Variants in NCR1 observed in about 807,000 individuals in gnomAD.
The protein encoded by NCR1 is natural cytotoxicity triggering receptor 1, also known as NK cell-activating receptor.
NCR1 carries 30 observed loss-of-function variants against 32.5 expected under a neutral mutation model. The observed-to-expected ratio is 0.92, with a 90% CI of 0.69 to 1.25. NCR1 has a LOEUF of 1.25. Among genes scored for constraint, NCR1 ranks in the 50% most tolerant of loss-of-function variants. The pLI is 0.00. For missense variants in NCR1, 369 were observed against 380.7 expected, an observed-to-expected ratio of 0.97 and a Z score of 0.26; for synonymous variants, 169 against 143.4, an observed-to-expected ratio of 1.18 and a Z score of -1.28.
upstream of NCR1, among the ~76,000 whole-genome samples, chr19:54,904,216 CTTTTA>C (rs1174854516): frequency 6.6e-6 from 1 of 150,796 alleles, no homozygotes; most frequent in Non-Finnish European, 1.5e-5. Context: ...TTTCTTTTCA[CTTTTA>C]TTTTATTGAA....
chr19:54,906,719 C>A lies in NCR1; in HGVS notation c.267C>A (p.Asn89Lys), dbSNP rs1157169103. 1.2e-6 allele frequency: 2 copies of A among 1,614,236 alleles called. No homozygotes were observed. Among genetic ancestry groups the A allele is most frequent in the Non-Finnish European group, 1.7e-6 (2 of 1,180,046 alleles). The stretch of plus-strand genomic sequence containing the variant: ...TCCAATTCTACATCCCGGACATGAA[C>A]TCCCGCATGGCAGGGCAATACAGCT... The part of the protein sequence containing the change: ...NKVQFYIPDM[N>K]SRMAGQYSCI... The change falls in exon 3 of 7, where the codon AAC becomes AAA. Residue 89 changes from asparagine to lysine, a missense_variant. Coordinates refer to ENST00000291890, the MANE Select transcript of NCR1 (RefSeq NM_004829.7).
the NCR1 span, chr19:54,938,192 G>C: frequency 6.2e-7 from 1 of 1,614,118 alleles, no homozygotes; most frequent in Non-Finnish European, 8.5e-7. Context: ...CAGAGGCGAA[G>C]AGAGCGAAGA....
the NCR1 span, chr19:54,927,469 T>C: frequency 6.4e-6 from 5 of 777,974 alleles, no homozygotes; most frequent in Non-Finnish European, 1.1e-5. Flanking sequence ...GGCAGGAGAA[T>C]TGCTTGAACC....
the NCR1 span, among the ~76,000 whole-genome samples, chr19:54,922,803 CG>C: frequency 8.8e-6 from 1 of 114,156 alleles, no homozygotes; most frequent in Non-Finnish European, 1.8e-5. Context: ...AAAAAAAAAA[CG>C]AAAGAACAGA....
chr19:54,923,198 T>C, the NCR1 span, among the ~76,000 whole-genome samples: 3 of 152,222 alleles, frequency 2.0e-5, no homozygotes, highest in Non-Finnish European at 4.4e-5. Context: ...GCTGCTTCCA[T>C]GTCCAAAGGC....
At chr19:54,916,874 A>G (rs963148472), downstream of NCR1, among the ~76,000 whole-genome samples, 4 of 151,172 alleles carry the variant, frequency 2.6e-5, no homozygotes, top group Non-Finnish European at 4.4e-5. Context: ...CAGAAGACCC[A>G]CGCTCCCTAA....
the NCR1 span, among the ~76,000 whole-genome samples, chr19:54,929,384 C>A: frequency 5.3e-5 from 7 of 132,824 alleles, no homozygotes; most frequent in African/African-American, 1.9e-4. Flanking sequence ...AAAAAGTACC[C>A]TGTGTTCTAG....
the NCR1 span, among the ~76,000 whole-genome samples, chr19:54,929,722 C>T: frequency 6.6e-6 from 1 of 152,138 alleles, no homozygotes; most frequent in Non-Finnish European, 1.5e-5. Flanking sequence ...TCTCCAGGCC[C>T]TCTACCTGAC....
At chr19:54,905,679 A>G (rs958328201), upstream of NCR1, among the ~76,000 whole-genome samples, 7 of 152,174 alleles carry the variant, frequency 4.6e-5, no homozygotes, top group African/African-American at 1.4e-4. Context: ...ACAGACAGAA[A>G]AACAGGCAGT....
At position 54,912,929 on chromosome 19, in the gene NCR1, G is replaced by A. The variant is rs2068050565; in HGVS notation, c.*58G>A. The A allele has an allele frequency of 6.4e-7, 1 of 1,551,814 alleles. No homozygotes were observed. The highest frequency in any genetic ancestry group is 1.3e-5 in the African/African-American group (1 of 74,176). On this transcript the variant is annotated 3_prime_UTR_variant, in exon 7 of 7. Coordinates refer to ENST00000291890, the MANE Select transcript of NCR1 (RefSeq NM_004829.7). ...GATCTGAAAGCTGGTGTTGAGCCTG[G>A]GCGGCGTGAGCTCTGTGTTGGACCC...
upstream of NCR1, among the ~76,000 whole-genome samples, chr19:54,903,570 G>GTA (rs1036337379): frequency 2.3e-5 from 3 of 131,908 alleles, no homozygotes; most frequent in Non-Finnish European, 3.2e-5. Flanking sequence ...ACATATATGT[G>GTA]TATATATACG....
chr19:54,932,732 T>C, the NCR1 span, among the ~76,000 whole-genome samples: 1 of 152,022 alleles, frequency 6.6e-6, no homozygotes, highest in African/African-American at 2.4e-5. Context: ...CTCAGCTCAC[T>C]GCAGCCTCTG....
chr19:54,900,980 T>C, the NCR1 span, among the ~76,000 whole-genome samples: 15 of 152,018 alleles, frequency 9.9e-5, no homozygotes, highest in Admixed American at 2.0e-4. Context: ...TCAATAAAGT[T>C]ATATTTTTAA....
upstream of NCR1, among the ~76,000 whole-genome samples, chr19:54,903,421 TGTATGTATACACGCATAC>T (rs2067355733): frequency 1.4e-5 from 2 of 145,952 alleles, no homozygotes; most frequent in African/African-American, 2.5e-5. Flanking sequence ...CACGCATACA[TGTATGTATACACGCATAC>T]ATGTATGTAT....
At chr19:54,931,586 G>A in the NCR1 span, among the ~76,000 whole-genome samples, 1 of 152,042 alleles carries the variant, frequency 6.6e-6, no homozygotes, top group African/African-American at 2.4e-5. Flanking sequence ...TACTCAGGAG[G>A]CTGAGGCAGG....
the NCR1 span, among the ~76,000 whole-genome samples, chr19:54,899,869 T>C: frequency 3.0e-3 from 459 of 152,254 alleles, 1 homozygote; most frequent in African/African-American, 0.01. Context: ...CCCGAGTCCA[T>C]GACCGGCGCT....
the NCR1 span, among the ~76,000 whole-genome samples, chr19:54,924,383 G>C: frequency 6.6e-6 from 1 of 152,220 alleles, no homozygotes; most frequent in Non-Finnish European, 1.5e-5. Flanking sequence ...AGCACTTTGG[G>C]AGGCCAAGGC....
chr19:54,905,545 T>G (rs587772646), upstream of NCR1, among the ~76,000 whole-genome samples: 6 of 152,292 alleles, frequency 3.9e-5, no homozygotes, highest in South Asian at 1.0e-3. Context: ...CATTATTCCT[T>G]ACTTTTCAAG....
the NCR1 span, among the ~76,000 whole-genome samples, chr19:54,898,927 G>A: frequency 2.6e-5 from 4 of 152,156 alleles, no homozygotes; most frequent in Admixed American, 2.0e-4. Context: ...ATTATAGGGT[G>A]GAGGAGCGGA....
Sources: gnomAD v4.1 joint callset for allele counts (sites outside exome capture counted in the v4.1 genomes callset) on GRCh38, gnomAD v4.1.1 for gene constraint, MANE v1.5 for transcripts, NCBI Gene and HGNC (gene_info 2026-07-23, HGNC 2026-07-21) for gene names.